The following IMMP2L variants were observed in gnomAD, a reference collection of about 807,000 sequenced individuals.
IMMP2L encodes the protein inner mitochondrial membrane peptidase subunit 2.
A neutral mutation model predicts 19.3 loss-of-function variants in IMMP2L; 18 were observed. The observed-to-expected ratio is 0.93, with a 90% CI of 0.64 to 1.38. The LOEUF (loss-of-function observed/expected upper bound fraction) is 1.38, where lower values mean the gene tolerates loss of function less well. IMMP2L is among the 40% of genes most tolerant of loss of function. IMMP2L has a pLI of 0.00. For missense variants in IMMP2L, 233 were observed against 218.2 expected (o/e 1.07, Z -0.43); for synonymous variants, 76 against 73.0 (o/e 1.04, Z -0.21).
intron 3 of IMMP2L, among the ~76,000 whole-genome samples, chr7:111,168,220 A>G (rs1806046537): frequency 1.3e-5 from 2 of 151,948 alleles, no homozygotes; most frequent in African/African-American, 2.4e-5. Context: ...ATTTGAAAAA[A>G]TGATTTGCAA....
chr7:111,305,989 A>G lies in IMMP2L; in HGVS notation c.239+181249T>C, dbSNP rs534024345. On this transcript the variant is annotated intron_variant, in intron 3 of 5. Coordinates refer to ENST00000405709, the MANE Select transcript of IMMP2L (RefSeq NM_032549.4). ...GAAACTATCACAAATTTTTATAATA[A>G]ATCTCTAAATATCATGAAATGTAAA... Among the ~76,000 whole-genome samples the G allele has an allele frequency of 3.9e-4, 60 of 152,294 alleles. No individual in the cohort carries two copies. In the South Asian group the frequency reaches 0.012, roughly 29 times the overall value.
At chr7:111,199,658 A>G (rs773365203) in intron 3 of IMMP2L, among the ~76,000 whole-genome samples, 5 of 152,134 alleles carry the variant, frequency 3.3e-5, no homozygotes, top group Admixed American at 6.5e-5. Flanking sequence ...ATCTTTCACT[A>G]TCATTCTGTT....
chr7:111,432,463 C>T (rs1052747848), intron 3 of IMMP2L, among the ~76,000 whole-genome samples: 3 of 151,650 alleles, frequency 2.0e-5, no homozygotes, highest in Non-Finnish European at 4.4e-5. Flanking sequence ...AAGGACAAAA[C>T]CCATATGATC....
At chr7:110,991,352 C>T (rs2129559607) in intron 3 of IMMP2L, among the ~76,000 whole-genome samples, 1 of 152,198 alleles carries the variant, frequency 6.6e-6, no homozygotes, top group East Asian at 1.9e-4. Context: ...TGAAAAAATG[C>T]AATGCAATAT....
intron 5 of IMMP2L, among the ~76,000 whole-genome samples, chr7:110,701,113 G>A (rs535222770): frequency 4.6e-5 from 7 of 152,118 alleles, no homozygotes; most frequent in Admixed American, 3.3e-4. Context: ...TACATGAGGC[G>A]ATCTTGAATA....
chr7:110,963,603 C>A, intron 3 of IMMP2L, 38 bp from the exon 4 acceptor site: 2 of 1,287,248 alleles, frequency 1.6e-6, no homozygotes, highest in South Asian at 2.6e-5. Context: ...TCAGTTATGT[C>A]TATGTTGTTT....
intron 3 of IMMP2L, among the ~76,000 whole-genome samples, chr7:111,317,894 A>C (rs1227057129): frequency 6.6e-6 from 1 of 152,162 alleles, no homozygotes; most frequent in Non-Finnish European, 1.5e-5. Context: ...AGGTTCAATA[A>C]AATTTGTTAT....
chr7:111,313,032 A>G (rs912770413), intron 3 of IMMP2L, among the ~76,000 whole-genome samples: 1 of 152,166 alleles, frequency 6.6e-6, no homozygotes, highest in Non-Finnish European at 1.5e-5. Flanking sequence ...GGAGCCCACA[A>G]GCCTGCAGTA....
At chr7:111,430,255 A>T (rs1241057279) in intron 3 of IMMP2L, among the ~76,000 whole-genome samples, 2 of 151,878 alleles carry the variant, frequency 1.3e-5, no homozygotes, top group Non-Finnish European at 2.9e-5. Context: ...GAATTTTTTC[A>T]CAATTTCTAC....
At chr7:110,700,441 T>G (rs1794199960) in intron 5 of IMMP2L, among the ~76,000 whole-genome samples, 1 of 152,170 alleles carries the variant, frequency 6.6e-6, no homozygotes, top group Non-Finnish European at 1.5e-5. Flanking sequence ...TGAATCTCAT[T>G]TTTCCAAATA....
chr7:110,755,975 C>G (rs762407851), intron 5 of IMMP2L, among the ~76,000 whole-genome samples: 16 of 151,900 alleles, frequency 1.1e-4, no homozygotes, highest in Non-Finnish European at 2.1e-4. Flanking sequence ...TTATGAGGAG[C>G]CATTTAACAA....
chr7:111,030,880 GTGTGTATATATATATATATATATATA>G (rs1177277448), intron 3 of IMMP2L, among the ~76,000 whole-genome samples: 4 of 17,182 alleles, frequency 2.3e-4, no homozygotes, highest in Admixed American at 8.0e-4. Context: ...GTGTGTGTGT[GTGTGTATATATATATATATATATATA>G]TATATATATA....
intron 3 of IMMP2L, among the ~76,000 whole-genome samples, chr7:111,205,598 T>C (rs552704353): frequency 1.3e-5 from 2 of 152,112 alleles, no homozygotes; most frequent in Admixed American, 1.3e-4. Context: ...AATTCAAGAA[T>C]TAAATTTGTA....
At chr7:111,441,159 T>C (rs574709169) in intron 3 of IMMP2L, among the ~76,000 whole-genome samples, 1 of 152,026 alleles carries the variant, frequency 6.6e-6, no homozygotes, top group Admixed American at 6.5e-5. Context: ...CATCCATTTA[T>C]TCACTGGAGT....
chr7:111,023,543 C>A (rs931592070), intron 3 of IMMP2L, among the ~76,000 whole-genome samples: 81 of 132,950 alleles, frequency 6.1e-4, no homozygotes, highest in Admixed American at 7.6e-4. Flanking sequence ...ACTAAAAATA[C>A]AAAAAAAAAA....
chr7:111,124,284 T>G (rs148639592), intron 3 of IMMP2L: 831 of 1,614,008 alleles, frequency 5.1e-4, no homozygotes, highest in Non-Finnish European at 6.3e-4. Flanking sequence ...TAGTTGGCGC[T>G]GACTTGAAGT....
rs181544995 is a variant in IMMP2L at position 111,510,190 on chromosome 7, G to A, written c.135+11123C>T. On this transcript the variant is annotated intron_variant, in intron 2 of 5. Transcript: ENST00000405709. ...AGGAGAAAAGGTATAATAATGAGTC[G>A]TGTTATACAGTCAGAATAGGCTAAA... Among the ~76,000 whole-genome samples the A allele has an allele frequency of 4.8e-3, 726 of 152,126 alleles. 5 individuals carry two copies. The highest frequency in any genetic ancestry group is 0.017 in the African/African-American group (689 of 41,514).
chr7:110,910,565 C>A (rs181833394), intron 4 of IMMP2L, among the ~76,000 whole-genome samples: 1 of 152,212 alleles, frequency 6.6e-6, no homozygotes, highest in African/African-American at 2.4e-5. Context: ...ATCAGAGAGA[C>A]TTTGACTTTG....
At chr7:111,384,506 T>C (rs2131264329) in intron 3 of IMMP2L, among the ~76,000 whole-genome samples, 1 of 152,238 alleles carries the variant, frequency 6.6e-6, no homozygotes, top group Non-Finnish European at 1.5e-5. Context: ...TAAAGCACTT[T>C]GTAGGGCAGA....
Sources: allele counts gnomAD v4.1 joint callset (sites outside exome capture counted in the v4.1 genomes callset), GRCh38; gene constraint gnomAD v4.1.1; transcripts MANE v1.5; gene names NCBI Gene and HGNC (gene_info 2026-07-23, HGNC 2026-07-21).